The following TNNI3K variants were observed in gnomAD, a reference collection of about 807,000 sequenced individuals.
TNNI3K encodes the protein serine/threonine-protein kinase TNNI3K.
A neutral mutation model predicts 114.5 loss-of-function variants in TNNI3K; 140 were observed. The observed-to-expected ratio is 1.22, with a 90% CI of 1.07 to 1.41. TNNI3K has a LOEUF of 1.41. TNNI3K is among the 40% of genes most tolerant of loss of function. The pLI, the probability that TNNI3K is intolerant of heterozygous loss-of-function variation, is 0.00. For missense variants in TNNI3K, 1,125 were observed against 1,007.6 expected (o/e 1.12, Z -1.58); for synonymous variants, 347 against 347.5 (o/e 1.00, Z 0.02).
At chr1:74,343,045 A>G in intron 8 of TNNI3K, 30 bp from the exon 9 acceptor site, 1 of 1,613,194 alleles carries the variant, frequency 6.2e-7, no homozygotes, top group Non-Finnish European at 8.5e-7. Flanking sequence ...CTTGCTTACA[A>G]TATTAACAAG....
chr1:74,480,543 T>C (rs1394407251), intron 21 of TNNI3K: 4 of 717,390 alleles, frequency 5.6e-6, no homozygotes, highest in Admixed American at 2.0e-5. Flanking sequence ...TCTTTCCCAA[T>C]GTAGGAAATA....
At chr1:74,406,180 T>G (rs1377828728) in intron 17 of TNNI3K, among the ~76,000 whole-genome samples, 1 of 152,212 alleles carries the variant, frequency 6.6e-6, no homozygotes, top group African/African-American at 2.4e-5. Flanking sequence ...CCTTTCTGGC[T>G]ATCAGCTGAA....
chr1:74,344,039 C>G (rs1355942652), intron 9 of TNNI3K, among the ~76,000 whole-genome samples: 1 of 152,144 alleles, frequency 6.6e-6, no homozygotes, highest in Non-Finnish European at 1.5e-5. Flanking sequence ...GTATTTGAGG[C>G]TAATTTGTTG....
chr1:74,380,483 C>T (rs749462750), intron 17 of TNNI3K, among the ~76,000 whole-genome samples: 1 of 152,026 alleles, frequency 6.6e-6, no homozygotes, highest in African/African-American at 2.4e-5. Flanking sequence ...GTCACCTTCC[C>T]GCACCCACAG....
In TNNI3K at chr1:74,367,320, T is replaced by A. The variant is rs770871169; in HGVS notation, c.1242T>A (p.Asn414Lys). The A allele has an allele frequency of 6.2e-7, 1 of 1,612,200 alleles. No individual in the cohort carries two copies. The highest frequency in any genetic ancestry group is 8.5e-7 in the Non-Finnish European group (1 of 1,178,720). ...YKRPQDELPC[N>K]EYSQPGGDGS... ...GACCACAAGATGAATTGCCCTGTAATGAATATTCTCAGCCTGGAGGAGGTA... is the reference window on the plus strand; with the variant it reads ...GACCACAAGATGAATTGCCCTGTAAAGAATATTCTCAGCCTGGAGGAGGTA... The change falls in exon 12 of 25, where the codon AAT becomes AAA. Residue 414 changes from asparagine to lysine, a missense_variant. Physicochemically the swap from Asn to Lys is moderately conservative, Grantham distance 94 (BLOSUM62 0). Coordinates refer to ENST00000326637, the MANE Select transcript of TNNI3K (RefSeq NM_015978.3).
chr1:74,303,748 C>A (rs1354094041), intron 5 of TNNI3K, among the ~76,000 whole-genome samples: 2 of 152,052 alleles, frequency 1.3e-5, no homozygotes, highest in African/African-American at 4.8e-5. Flanking sequence ...GGATCTGGGC[C>A]AAGGAAATTG....
At chr1:74,345,760 TA>T (rs1019356898) in intron 9 of TNNI3K, 4 of 152,050 alleles carry the variant, frequency 2.6e-5, no homozygotes, top group Non-Finnish European at 5.9e-5. Context: ...AAAGCAGAGG[TA>T]TGAGGGAAAC....
At chr1:74,324,239 C>G (rs1412764365) in intron 5 of TNNI3K, among the ~76,000 whole-genome samples, 1 of 152,198 alleles carries the variant, frequency 6.6e-6, no homozygotes, top group African/African-American at 2.4e-5. Context: ...TGGCTCTTAT[C>G]TGACCTGTGT....
intron 23 of TNNI3K, among the ~76,000 whole-genome samples, chr1:74,505,442 C>T (rs1669844025): frequency 6.6e-6 from 1 of 152,206 alleles, no homozygotes; most frequent in Non-Finnish European, 1.5e-5. Flanking sequence ...GTGGGTGATG[C>T]TGGTGTCTCT....
chr1:74,474,111 GA>G, intron 21 of TNNI3K, among the ~76,000 whole-genome samples: 1 of 152,258 alleles, frequency 6.6e-6, no homozygotes, highest in South Asian at 2.1e-4. Flanking sequence ...TTCTCAGTGT[GA>G]AAACAACAGA....
At chr1:74,359,491 C>T (rs1169893944) in intron 11 of TNNI3K, among the ~76,000 whole-genome samples, 1 of 151,832 alleles carries the variant, frequency 6.6e-6, no homozygotes, top group Non-Finnish European at 1.5e-5. Context: ...CTGGACAATC[C>T]CTGCATATAT....
intron 5 of TNNI3K, among the ~76,000 whole-genome samples, chr1:74,304,535 C>G (rs762327046): frequency 2.6e-5 from 4 of 152,130 alleles, no homozygotes; most frequent in Non-Finnish European, 5.9e-5. Context: ...CTTGAACTAC[C>G]AGGCTCACAT....
At position 74,463,489 on chromosome 1, in the gene TNNI3K, G is replaced by A. The variant is rs1234694672; in HGVS notation, c.2060G>A (p.Gly687Asp). The change falls in exon 21 of 25, where the codon GGC becomes GAC. Residue 687 changes from glycine (G) to aspartate (D), a missense_variant. Transcript: ENST00000326637. ...MAYHHIRPPI[G>D]YSIPKPISSL... ...TACCACCACATCAGACCTCCCATTG[G>A]CTATTCCATTCCCAAGCCCATATCA... 6.2e-7 allele frequency: 1 copy of A among 1,614,054 alleles called. No individual in the cohort carries two copies. Among genetic ancestry groups the A allele is most frequent in the Non-Finnish European group, 8.5e-7 (1 of 1,180,048 alleles).
At chr1:74,325,673 T>C (rs937871795) in intron 5 of TNNI3K, among the ~76,000 whole-genome samples, 7 of 152,120 alleles carry the variant, frequency 4.6e-5, no homozygotes, top group African/African-American at 1.7e-4. Flanking sequence ...TGTAGTGGGC[T>C]GAGGAGTGAA....
intron 11 of TNNI3K, among the ~76,000 whole-genome samples, chr1:74,365,136 A>G (rs1242708696): frequency 2.0e-5 from 3 of 152,220 alleles, no homozygotes; most frequent in African/African-American, 7.2e-5. Context: ...GATGTGTTAG[A>G]ACTGTAAGGC....
chr1:74,336,181 T>C (rs1660453551), intron 7 of TNNI3K, 32 bp downstream of exon 7: 1 of 1,581,184 alleles, frequency 6.3e-7, no homozygotes, highest in African/African-American at 1.4e-5. Context: ...ACCTTTGCTA[T>C]CATTTGCTTT....
chr1:74,467,025 G>C (rs1449632835), intron 21 of TNNI3K, among the ~76,000 whole-genome samples: 1 of 152,162 alleles, frequency 6.6e-6, no homozygotes, highest in Non-Finnish European at 1.5e-5. Flanking sequence ...TCGCAAGTTG[G>C]GGGACAAAGA....
At chr1:74,497,980 GC>G (rs1669419854) in intron 23 of TNNI3K, among the ~76,000 whole-genome samples, 2 of 152,156 alleles carry the variant, frequency 1.3e-5, no homozygotes, top group South Asian at 2.1e-4. Context: ...ACTGTGGGAG[GC>G]TTTTTTGTTT....
At chr1:74,253,662 C>T (rs956285443) in intron 4 of TNNI3K, among the ~76,000 whole-genome samples, 6 of 152,148 alleles carry the variant, frequency 3.9e-5, no homozygotes, top group African/African-American at 9.6e-5. Context: ...CCCACGCCCA[C>T]GCCCACCCAG....
Sources: allele counts gnomAD v4.1 joint callset (sites outside exome capture counted in the v4.1 genomes callset), GRCh38; gene constraint gnomAD v4.1.1; transcripts MANE v1.5; gene names NCBI Gene and HGNC (gene_info 2026-07-23, HGNC 2026-07-21).